Variants in ANKRD36 observed in about 807,000 individuals in gnomAD.
ANKRD36 encodes the protein ankyrin repeat domain 36.
In ANKRD36, 179 loss-of-function variants were observed where a neutral mutation model predicts 278.1. That is an observed-to-expected ratio of 0.64 (90% CI 0.57 to 0.73). The LOEUF (loss-of-function observed/expected upper bound fraction) is 0.73, where lower values mean the gene tolerates loss of function less well. Ranked by LOEUF, ANKRD36 falls within the 30% of genes least tolerant of loss-of-function variation. The pLI is 0.00. For missense variants in ANKRD36, 1,159 were observed against 1,956.7 expected (o/e 0.59, Z 7.69); for synonymous variants, 320 against 641.1 (o/e 0.50, Z 7.57).
intron 22 of ANKRD36, among the ~76,000 whole-genome samples, chr2:97,172,821 TTGTGTGTGAATGTGTGTGTGTGTGTGTG>T (rs2052993904): frequency 7.1e-6 from 1 of 140,808 alleles, no homozygotes; most frequent in East Asian, 2.0e-4. Flanking sequence ...GCTCTGGTTT[TTGTGTGTGAATGTGTGTGTGTGTGTGTG>T]TGTGTGTGTA....
At chr2:97,194,799 C>G (rs560341527) in intron 39 of ANKRD36, 45 bp downstream of exon 39, 3 of 1,603,130 alleles carry the variant, frequency 1.9e-6, no homozygotes, top group Admixed American at 1.7e-5. Flanking sequence ...AACGTATAGC[C>G]TATGAAACAT....
intron 5 of ANKRD36, 97 bp downstream of exon 5, chr2:97,124,694 G>A: frequency 7.3e-7 from 1 of 1,375,418 alleles, no homozygotes; most frequent in East Asian, 2.7e-5. Flanking sequence ...TTCATAGTTT[G>A]GTTCAAGTAG....
At chr2:97,224,452 G>GTTTTTTT (rs199810806) in intron 66 of ANKRD36, among the ~76,000 whole-genome samples, 1 of 137,946 alleles carries the variant, frequency 7.2e-6, no homozygotes. Context: ...TTGTTTTTTT[G>GTTTTTTT]TTTTTTTTTT....
At chr2:97,168,704 G>A (rs1465748041) in intron 22 of ANKRD36, among the ~76,000 whole-genome samples, 2 of 151,950 alleles carry the variant, frequency 1.3e-5, no homozygotes, top group African/African-American at 4.9e-5. Context: ...GAGAAAATGT[G>A]GCATTTGGTT....
At chr2:97,128,744 T>C (rs904061277) in intron 6 of ANKRD36, among the ~76,000 whole-genome samples, 7 of 152,032 alleles carry the variant, frequency 4.6e-5, no homozygotes, top group Non-Finnish European at 7.4e-5. Context: ...ATCTGCTCCT[T>C]GTGGAAATAC....
At chr2:97,138,171 G>A (rs916108244) in intron 6 of ANKRD36, among the ~76,000 whole-genome samples, 1 of 152,054 alleles carries the variant, frequency 6.6e-6, no homozygotes, top group Non-Finnish European at 1.5e-5. Flanking sequence ...GTTTGCAGAT[G>A]ACATGATTGT....
At chr2:97,207,742 C>G (rs1378916847) in intron 52 of ANKRD36, 69 bp from the exon 53 acceptor site, 4 of 1,541,048 alleles carry the variant, frequency 2.6e-6, no homozygotes, top group Non-Finnish European at 3.5e-6. Context: ...GATGCTAACA[C>G]TGTATGAATG....
At chr2:97,248,296 G>A (rs1261100991) in intron 72 of ANKRD36, 3 of 114,458 alleles carry the variant, frequency 2.6e-5, no homozygotes, top group Non-Finnish European at 4.6e-5. Flanking sequence ...AAACTAAAAA[G>A]GGGGTTATAG....
At chr2:97,199,415 T>C (rs2060679978) in intron 44 of ANKRD36, among the ~76,000 whole-genome samples, 3 of 151,880 alleles carry the variant, frequency 2.0e-5, no homozygotes, top group African/African-American at 4.8e-5. Flanking sequence ...TTCAAGGAGC[T>C]ACCTGTTGGA....
At chr2:97,230,680 G>T (rs1388187446) in intron 67 of ANKRD36, among the ~76,000 whole-genome samples, 1 of 152,096 alleles carries the variant, frequency 6.6e-6, no homozygotes, top group Non-Finnish European at 1.5e-5. Context: ...TGTTGCTGGT[G>T]AGGAACTGCA....
intron 40 of ANKRD36, 44 bp downstream of exon 40, chr2:97,194,961 A>C (rs1378474508): frequency 2.6e-6 from 4 of 1,537,062 alleles, no homozygotes; most frequent in Admixed American, 2.0e-5. Flanking sequence ...AGTCCAGACA[A>C]GAAGTTCTCT....
intron 3 of ANKRD36, among the ~76,000 whole-genome samples, chr2:97,121,763 T>C (rs972818368): frequency 2.0e-5 from 3 of 152,072 alleles, no homozygotes; most frequent in Non-Finnish European, 4.4e-5. Context: ...TTATTTCTGA[T>C]TGATATTTTA....
chr2:97,135,520 G>T (rs2041261050), intron 6 of ANKRD36, among the ~76,000 whole-genome samples: 2 of 150,872 alleles, frequency 1.3e-5, no homozygotes, highest in Admixed American at 6.6e-5. Context: ...TGATAAAATG[G>T]CTATGTGATA....
chr2:97,198,449 C>G lies in ANKRD36; in HGVS notation c.2654-14C>G. ...TTTACATATGAGTGATTATGAATCC[C>G]TTTTACTTTTCAGTGTCTTCTGAGA... is the stretch of plus-strand genomic sequence containing the variant. On this transcript the variant is annotated splice_polypyrimidine_tract_variant and intron_variant, in intron 42 of 75. Transcript: ENST00000420699. 6.3e-7 allele frequency: 1 copy of G among 1,575,924 alleles called. No individual in the cohort carries two copies. Among genetic ancestry groups the G allele is most frequent in the South Asian group, 1.2e-5 (1 of 85,254 alleles).
intron 58 of ANKRD36, 61 bp downstream of exon 58, chr2:97,211,802 C>G (rs1197792612): frequency 2.7e-6 from 4 of 1,491,576 alleles, no homozygotes; most frequent in African/African-American, 2.8e-5. Context: ...CTTCTCTTCA[C>G]CAAATAAAAC....
At chr2:97,260,367 T>TATATATACAC (rs2076581984) in intron 75 of ANKRD36, among the ~76,000 whole-genome samples, 1 of 127,180 alleles carries the variant, frequency 7.9e-6, no homozygotes, top group Non-Finnish European at 1.6e-5. Flanking sequence ...TATATATATA[T>TATATATACAC]ATATATATAT....
At chr2:97,209,089 A>G (rs1430675987) in intron 54 of ANKRD36, among the ~76,000 whole-genome samples, 2 of 146,714 alleles carry the variant, frequency 1.4e-5, no homozygotes, top group East Asian at 3.9e-4. Context: ...GCAAATTATT[A>G]CACTACATGG....
At chr2:97,153,177 A>T (rs996752257) in intron 14 of ANKRD36, among the ~76,000 whole-genome samples, 1 of 152,306 alleles carries the variant, frequency 6.6e-6, no homozygotes, top group African/African-American at 2.4e-5. Flanking sequence ...TATTAAAAGG[A>T]TATTTCTAAT....
chr2:97,175,644 A>G (rs2153528864), intron 22 of ANKRD36, among the ~76,000 whole-genome samples: 2 of 151,094 alleles, frequency 1.3e-5, no homozygotes, highest in Middle Eastern at 3.4e-3. Flanking sequence ...CTCTGATTTC[A>G]GTTATTTCTT....
Sources: gnomAD v4.1 joint callset for allele counts (sites outside exome capture counted in the v4.1 genomes callset) on GRCh38, gnomAD v4.1.1 for gene constraint, MANE v1.5 for transcripts, NCBI Gene and HGNC (gene_info 2026-07-23, HGNC 2026-07-21) for gene names.